PDE1A: variants seen among roughly 807,000 people sequenced by gnomAD.
The protein encoded by PDE1A is phosphodiesterase 1A.
In PDE1A, 35 loss-of-function variants were observed where a neutral mutation model predicts 61.7. That is an observed-to-expected ratio of 0.57 (90% confidence interval 0.43 to 0.75). PDE1A has a LOEUF of 0.75. PDE1A is among the 30% of genes least tolerant of loss of function. The pLI is 0.00. For missense variants in PDE1A, 597 were observed against 630.6 expected (o/e 0.95, Z 0.57); for synonymous variants, 232 against 213.2 (o/e 1.09, Z -0.77).
chr2:182,510,778 G>A (rs1314814464), intron 2 of PDE1A, among the ~76,000 whole-genome samples: 1 of 152,110 alleles, frequency 6.6e-6, no homozygotes, highest in African/African-American at 2.4e-5. Flanking sequence ...TCTTCTATCA[G>A]TGAAACTCTC....
At position 182,507,847 on chromosome 2, in the gene PDE1A, A is replaced by G. The variant is rs59204706; in HGVS notation, c.101+14429T>C. ...GGAAATTTTTCAAGTTCTAAAAGTT[A>G]GAAAGGAACCCATTAATCCATATAC... On this transcript the variant is annotated intron_variant, in intron 2 of 14. Coordinates refer to the PDE1A transcript ENST00000410103. 4.5e-3 allele frequency among the ~76,000 whole-genome samples: 693 copies of G among 152,330 alleles called. 3 individuals are homozygous for G. Among genetic ancestry groups the G allele is most frequent in the African/African-American group, 0.016 (645 of 41,558 alleles).
the PDE1A span, among the ~76,000 whole-genome samples, chr2:182,627,282 AAT>A: frequency 2.1e-5 from 2 of 95,228 alleles, no homozygotes; most frequent in South Asian, 5.5e-4. Flanking sequence ...TAATATATAA[AAT>A]ATAAATATAT....
At chr2:182,531,053 C>T in the PDE1A span, among the ~76,000 whole-genome samples, 1 of 151,730 alleles carries the variant, frequency 6.6e-6, no homozygotes, top group Non-Finnish European at 1.5e-5. Context: ...AAAATAATGA[C>T]ATATCAGTAG....
intron 3 of PDE1A, among the ~76,000 whole-genome samples, chr2:182,239,287 T>C (rs1204412136): frequency 6.6e-6 from 1 of 152,210 alleles, no homozygotes; most frequent in Non-Finnish European, 1.5e-5. Context: ...TTTTCTCTGT[T>C]TCTCAACTTT....
In PDE1A at chr2:182,363,718, A is replaced by G. The variant is rs1160326958; in HGVS notation, c.53+62860T>C. ...TGAATTCTCCAATACCATTTTCTGC[A>G]TCATGCAGTGCTGAGTACAGCATTG... is the stretch of plus-strand genomic sequence containing the variant. On this transcript the variant is annotated intron_variant, in intron 1 of 13. Transcript: ENST00000351439. 2.0e-5 allele frequency among the ~76,000 whole-genome samples: 3 copies of G among 152,124 alleles called. No homozygotes were observed. In the East Asian group the frequency reaches 5.8e-4, roughly 29 times the overall value.
In PDE1A at chr2:182,233,775, CCACACACACACA is replaced by C. The variant is rs4018725; in HGVS notation, c.417+645_417+656del. Among the ~76,000 whole-genome samples the C allele has an allele frequency of 6.4e-3, 936 of 147,276 alleles. 9 individuals are homozygous for C. Among genetic ancestry groups the C allele is most frequent in the African/African-American group, 0.022 (871 of 40,078 alleles). On this transcript the variant is annotated intron_variant, in intron 4 of 13. Transcript: ENST00000351439. ...CATTTAGAAACAAGGCACATGAACACCACACACACACACACACACACACACACACACACACAC... is the reference window on the plus strand; with the variant it reads ...CATTTAGAAACAAGGCACATGAACACCACACACACACACACACACACACAC...
the PDE1A span, among the ~76,000 whole-genome samples, chr2:182,561,266 C>T: frequency 6.6e-6 from 1 of 152,170 alleles, no homozygotes; most frequent in Non-Finnish European, 1.5e-5. Flanking sequence ...TTTCAGCTTT[C>T]CACATATGGG....
At chr2:182,143,115 G>T (rs1379624757), downstream of PDE1A, 1 of 152,100 alleles carries the variant, frequency 6.6e-6, no homozygotes, top group Non-Finnish European at 1.5e-5. Flanking sequence ...TAGTCAAAGA[G>T]TACAAAATTC....
In PDE1A at chr2:182,394,123, C is replaced by T. The variant is rs141889735; in HGVS notation, c.53+32455G>A. On this transcript the variant is annotated intron_variant, in intron 1 of 13. Transcript: ENST00000351439. ...GAGCAGAACCCCAATCTATTGGTGC[C>T]AATTCACTGTATCAGTCCATTCTCA... Among the ~76,000 whole-genome samples, 1,174 of 152,222 alleles carry T rather than the reference C, an allele frequency of 7.7e-3. 18 individuals are homozygous for T. The highest frequency in any genetic ancestry group is 0.027 in the African/African-American group (1,117 of 41,520).
At chr2:182,579,624 G>A in the PDE1A span, among the ~76,000 whole-genome samples, 1 of 152,240 alleles carries the variant, frequency 6.6e-6, no homozygotes, top group African/African-American at 2.4e-5. Flanking sequence ...CACTTTGACT[G>A]TCATTGTTGG....
At chr2:182,231,069 C>T (rs764420190) in exon 5 of PDE1A, 1 of 1,609,912 alleles carries the variant, frequency 6.2e-7, no homozygotes, top group South Asian at 1.1e-5. Context: ...TCATAAACTT[C>T]AGACTATGCT....
chr2:182,376,879 G>C (rs1324384946), intron 1 of PDE1A, among the ~76,000 whole-genome samples: 1 of 152,134 alleles, frequency 6.6e-6, no homozygotes, highest in Non-Finnish European at 1.5e-5. Context: ...GAATGAGAAG[G>C]ATACAAAAGT....
intron 1 of PDE1A, among the ~76,000 whole-genome samples, chr2:182,324,876 A>T (rs538510365): frequency 3.1e-4 from 47 of 152,336 alleles, no homozygotes; most frequent in African/African-American, 1.1e-3. Context: ...TTCAGGAAAC[A>T]TTTAAGTGTT....
chr2:182,458,682 T>C (rs1227018972), intron 2 of PDE1A, among the ~76,000 whole-genome samples: 3 of 152,118 alleles, frequency 2.0e-5, no homozygotes, highest in Admixed American at 6.6e-5. Flanking sequence ...CTCAATCTTA[T>C]ACTCATTTTA....
intron 13 of PDE1A, among the ~76,000 whole-genome samples, chr2:182,150,823 A>G (rs1257288732): frequency 6.6e-6 from 1 of 152,178 alleles, no homozygotes; most frequent in East Asian, 1.9e-4. Flanking sequence ...CTTTTACCAT[A>G]TTAGAATCAT....
intron 2 of PDE1A, among the ~76,000 whole-genome samples, chr2:182,457,646 T>C (rs962514440): frequency 6.6e-6 from 1 of 152,004 alleles, no homozygotes; most frequent in Admixed American, 6.6e-5. Flanking sequence ...CTGGCAAACC[T>C]CAAAATAGAA....
At chr2:182,540,382 AAAAGCAGCAGCAGCAGCAGCAGC>A in the PDE1A span, among the ~76,000 whole-genome samples, 3 of 138,638 alleles carry the variant, frequency 2.2e-5, no homozygotes, top group Non-Finnish European at 4.7e-5. Context: ...AAAAAAAAAA[AAAAGCAGCAGCAGCAGCAGCAGC>A]AGCAGCAGCA....
intron 1 of PDE1A, among the ~76,000 whole-genome samples, chr2:182,311,465 T>C (rs909716065): frequency 2.0e-5 from 3 of 152,192 alleles, no homozygotes; most frequent in Admixed American, 6.5e-5. Flanking sequence ...ACACAGAACA[T>C]TTCCATTACC....
At chr2:182,165,254 A>G (rs559638967), downstream of PDE1A, among the ~76,000 whole-genome samples, 17 of 152,274 alleles carry the variant, frequency 1.1e-4, no homozygotes, top group African/African-American at 3.8e-4. Context: ...TGTTTCTGCA[A>G]CATTATGTTC....
Sources: allele counts gnomAD v4.1 joint callset (sites outside exome capture counted in the v4.1 genomes callset), GRCh38; gene constraint gnomAD v4.1.1; transcripts MANE v1.5; gene names NCBI Gene and HGNC (gene_info 2026-07-23, HGNC 2026-07-21).